Variants in USP53 observed in about 807,000 individuals in gnomAD.
The protein encoded by USP53 is ubiquitin specific peptidase 53.
In USP53, 71 loss-of-function variants were observed where a neutral mutation model predicts 94.9. The observed-to-expected ratio is 0.75, with a 90% CI of 0.62 to 0.91. The LOEUF is 0.91. USP53 is among the 40% of genes least tolerant of loss of function. The pLI is 0.00. For missense variants in USP53, 1,173 were observed against 1,281.0 expected (o/e 0.92, Z 1.29); for synonymous variants, 375 against 422.7 (o/e 0.89, Z 1.39).
At chr4:119,215,593 G>A (rs1219921144) in intron 2 of USP53, among the ~76,000 whole-genome samples, 1 of 151,532 alleles carries the variant, frequency 6.6e-6, no homozygotes, top group Non-Finnish European at 1.5e-5. Flanking sequence ...TAATATAATT[G>A]GTTTTCTTTG....
intron 4 of USP53, among the ~76,000 whole-genome samples, chr4:119,238,888 GA>G (rs1225276465): frequency 3.9e-5 from 6 of 152,076 alleles, no homozygotes; most frequent in Non-Finnish European, 8.8e-5. Flanking sequence ...TTCTATGTAA[GA>G]AGGATAACAA....
intron 12 of USP53, among the ~76,000 whole-genome samples, chr4:119,262,971 T>C (rs1750688746): frequency 6.6e-6 from 1 of 152,242 alleles, no homozygotes; most frequent in Non-Finnish European, 1.5e-5. Flanking sequence ...TTGTCAAGGC[T>C]TACTGGCTTT....
rs142004270 is a variant in USP53, at chr4:119,264,394, T to C, written c.972+2530T>C. 6.1e-3 allele frequency among the ~76,000 whole-genome samples: 923 copies of C among 152,332 alleles called. 2 individuals carry two copies. Among genetic ancestry groups the C allele is most frequent in the Non-Finnish European group, 0.01 (699 of 68,024 alleles). On this transcript the variant is annotated intron_variant, in intron 12 of 18. Coordinates refer to ENST00000692078, the MANE Select transcript of USP53 (RefSeq NM_001371395.1). ...ACTTCATTGAAAGTTAAAATTTTTG[T>C]TCTTCAGTAAGATACTATTAGGAGA...
At chr4:119,222,877 T>C (rs1302995538) in intron 3 of USP53, among the ~76,000 whole-genome samples, 1 of 130,472 alleles carries the variant, frequency 7.7e-6, no homozygotes, top group Admixed American at 7.9e-5. Flanking sequence ...CAAAAAATAA[T>C]AAATATATTC....
Position 119,260,653 on chromosome 4 carries a change from G to T in USP53, c.822G>T (p.Gly274=). The change falls in exon 11 of 19, where the codon GGG becomes GGT. Residue 274 remains glycine, a splice_region_variant and synonymous_variant. Transcript: ENST00000692078. ...RNLATHLYLP[G]LFYRVTDENA... Reference sequence around the variant, plus strand: ...TAGCAACACATCTTTATCTTCCTGGGGTATCTTATCTATTTTCATTCCCTT... The same window carrying T: ...TAGCAACACATCTTTATCTTCCTGGTGTATCTTATCTATTTTCATTCCCTT... 2 of 1,610,234 alleles carry T rather than the reference G, an allele frequency of 1.2e-6. No homozygotes were observed. The highest frequency in any genetic ancestry group is 1.1e-5 in the South Asian group (1 of 90,458).
At chr4:119,229,718 A>G (rs1449595436) in intron 3 of USP53, among the ~76,000 whole-genome samples, 1 of 152,110 alleles carries the variant, frequency 6.6e-6, no homozygotes, top group African/African-American at 2.4e-5. Flanking sequence ...TTCCTTCACC[A>G]GCCTCCCAAT....
chr4:119,245,077 C>G (rs1004535538), intron 5 of USP53, among the ~76,000 whole-genome samples: 1 of 152,134 alleles, frequency 6.6e-6, no homozygotes, highest in Admixed American at 6.5e-5. Flanking sequence ...TGGTTTTTCC[C>G]TGCTCCATGC....
intron 17 of USP53, among the ~76,000 whole-genome samples, chr4:119,274,178 A>G (rs941683289): frequency 2.0e-5 from 3 of 151,446 alleles, no homozygotes; most frequent in Admixed American, 6.6e-5. Context: ...TACATGTGCC[A>G]TGCTGGTGCG....
intron 3 of USP53, among the ~76,000 whole-genome samples, chr4:119,234,424 T>G (rs901326949): frequency 6.6e-6 from 1 of 152,186 alleles, no homozygotes; most frequent in Admixed American, 6.5e-5. Context: ...TGAAATCTTG[T>G]GCTGGAATGG....
rs371511359 is a variant in USP53, at chr4:119,268,067, T to C, written c.1136-201T>C. Among the ~76,000 whole-genome samples the C allele has an allele frequency of 8.7e-3, 1,306 of 149,528 alleles. 17 individuals are homozygous for C. Among genetic ancestry groups the C allele is most frequent in the African/African-American group, 0.031 (1,234 of 40,344 alleles). ...CTGTAGTCCCAGCTACTCGGGAGGC[T>C]GAGGCAGCAGAATGGCGTGAACCCG... On this transcript the variant is annotated intron_variant, in intron 13 of 18. Transcript: ENST00000692078.
chr4:119,248,896 ATAT>A lies in USP53; in HGVS notation c.372+16_372+18del, dbSNP rs755236954. ...GCGGAGTGCTTTGTAAGTGTTTCTG[ATAT>A]TCCTTAAGAAGTCAGGATAGTAGTT... is the stretch of plus-strand genomic sequence containing the variant. On this transcript the variant is annotated intron_variant, in intron 7 of 18. Coordinates refer to ENST00000692078, the MANE Select transcript of USP53 (RefSeq NM_001371395.1). 1.2e-5 allele frequency: 20 copies of A among 1,612,460 alleles called. No homozygotes were observed. In the South Asian group the frequency reaches 2.2e-4, roughly 18 times the overall value.
chr4:119,227,256 TACACACACACACAC>T lies in USP53; in HGVS notation c.-664-8004_-664-7991del, dbSNP rs3138727. 3.5e-4 allele frequency among the ~76,000 whole-genome samples: 44 copies of T among 125,124 alleles called. 1 individual carries two copies. Among genetic ancestry groups the T allele is most frequent in the South Asian group, 2.1e-3 (8 of 3,820 alleles). The allele number at this position is 125,124 out of a possible 152,430, so 82.1% of individuals were successfully genotyped here. On this transcript the variant is annotated intron_variant, in intron 3 of 18. Transcript: ENST00000692078. Reference sequence around the variant, plus strand: ...ATTAATCCAAAGCCTTGTCTAACACTACACACACACACACACACACACACACACACACACACACA... The same window carrying T: ...ATTAATCCAAAGCCTTGTCTAACACTACACACACACACACACACACACACA...
intron 3 of USP53, chr4:119,221,038 T>A (rs749079442): frequency 6.6e-6 from 1 of 152,162 alleles, no homozygotes; most frequent in Non-Finnish European, 1.5e-5. Flanking sequence ...GATGATCAGA[T>A]AAGGAGAATG....
intron 3 of USP53, among the ~76,000 whole-genome samples, chr4:119,227,841 A>C (rs1478860637): frequency 6.6e-6 from 1 of 152,212 alleles, no homozygotes; most frequent in African/African-American, 2.4e-5. Flanking sequence ...ACTGCAATTA[A>C]TCTCCCTTTA....
chr4:119,229,052 A>G (rs981517299), intron 3 of USP53, among the ~76,000 whole-genome samples: 9 of 152,050 alleles, frequency 5.9e-5, no homozygotes, highest in African/African-American at 2.2e-4. Flanking sequence ...CCTTTTTGCT[A>G]CCCAGGTATT....
At chr4:119,251,300 A>G (rs1748968290) in intron 7 of USP53, among the ~76,000 whole-genome samples, 1 of 152,114 alleles carries the variant, frequency 6.6e-6, no homozygotes, top group Admixed American at 6.6e-5. Context: ...AATCCAGTCT[A>G]TCATCGATGA....
At chr4:119,259,018 C>A (rs557422479) in intron 9 of USP53, among the ~76,000 whole-genome samples, 1 of 152,148 alleles carries the variant, frequency 6.6e-6, no homozygotes, top group Non-Finnish European at 1.5e-5. Flanking sequence ...CAGTGGCTCA[C>A]GCCTGTAATC....
chr4:119,248,661 G>A, intron 6 of USP53, 87 bp from the exon 7 acceptor site: 1 of 1,487,584 alleles, frequency 6.7e-7, no homozygotes, highest in Non-Finnish European at 9.0e-7. Context: ...CAAGTATAGT[G>A]TTTTGAGTTT....
At chr4:119,246,876 TTAGAG>T (rs1465455969) in intron 6 of USP53, among the ~76,000 whole-genome samples, 1 of 152,244 alleles carries the variant, frequency 6.6e-6, no homozygotes, top group African/African-American at 2.4e-5. Flanking sequence ...GTTATACATT[TTAGAG>T]ATAAATGTTT....
Sources: allele counts gnomAD v4.1 joint callset (sites outside exome capture counted in the v4.1 genomes callset), GRCh38; gene constraint gnomAD v4.1.1; transcripts MANE v1.5; gene names NCBI Gene and HGNC (gene_info 2026-07-23, HGNC 2026-07-21).